GGTA1: variants seen among roughly 807,000 people sequenced by gnomAD.
The protein encoded by GGTA1 is inactive N-acetyllactosaminide alpha-1,3-galactosyltransferase.
In GGTA1, 5 loss-of-function variants were observed where a neutral mutation model predicts 2.6. The ratio of observed to expected loss-of-function variants is 1.92; its 90% CI spans 1.00 to 4.04. GGTA1 has a LOEUF of 4.04. Ranked by LOEUF, GGTA1 falls within the 30% of genes most tolerant of loss-of-function variation. The pLI is 0.00. For synonymous variants in GGTA1, 17 were observed against 5.0 expected (o/e 3.38, Z -3.19); for missense variants, 50 against 16.7 (o/e 2.99, Z -3.47).
intron 1 of GGTA1, among the ~76,000 whole-genome samples, chr9:121,475,363 G>T (rs1255123447): frequency 1.3e-5 from 2 of 152,174 alleles, no homozygotes; most frequent in African/African-American, 2.4e-5. Context: ...ATAAAAATGG[G>T]CAACCAGCAG....
intron 1 of GGTA1, among the ~76,000 whole-genome samples, chr9:121,473,297 G>A (rs1306735527): frequency 1.4e-5 from 2 of 138,752 alleles, no homozygotes; most frequent in Non-Finnish European, 3.1e-5. Context: ...TCCGGCCTAG[G>A]TGACAGAGCA....
intron 2 of GGTA1, among the ~76,000 whole-genome samples, chr9:121,465,612 T>C (rs1176802497): frequency 6.6e-6 from 1 of 152,168 alleles, no homozygotes. Flanking sequence ...GTAGCTTACT[T>C]GCTCTCCATC....
intron 1 of GGTA1, among the ~76,000 whole-genome samples, chr9:121,493,031 G>A (rs1274647842): frequency 2.0e-5 from 3 of 151,828 alleles, no homozygotes; most frequent in African/African-American, 7.3e-5. Flanking sequence ...GTACTTGGGA[G>A]GCTGAGATAG....
intron 1 of GGTA1, among the ~76,000 whole-genome samples, chr9:121,498,238 T>C (rs1291225933): frequency 2.0e-5 from 3 of 152,098 alleles, no homozygotes; most frequent in African/African-American, 7.2e-5. Flanking sequence ...CAGGACAGAG[T>C]TGAAACTTCT....
rs1438773865 is a variant in GGTA1, at chr9:121,476,818, G to T, written c.-9-8887C>A. On this transcript the variant is annotated intron_variant, in intron 1 of 5. Coordinates refer to ENST00000481799, the MANE Select transcript of GGTA1 (RefSeq NM_001382585.1). This position sits in a 1 kb window ranked among gnomAD's most constrained non-coding sequence, Gnocchi z 4.6. Reference sequence around the variant, plus strand: ...TTCCCATTAGGGTGAGCATGAGAAAGCCCCAAATGCTTCCCAGAGGTAGAG... The same window carrying T: ...TTCCCATTAGGGTGAGCATGAGAAATCCCCAAATGCTTCCCAGAGGTAGAG... 6.6e-6 allele frequency among the ~76,000 whole-genome samples: 1 copy of T among 152,136 alleles called. No individual in the cohort carries two copies. Among genetic ancestry groups the T allele is most frequent in the African/African-American group, 2.4e-5 (1 of 41,436 alleles).
intron 2 of GGTA1, among the ~76,000 whole-genome samples, chr9:121,467,287 A>G (rs901009633): frequency 1.3e-5 from 2 of 152,122 alleles, no homozygotes; most frequent in African/African-American, 4.8e-5. Flanking sequence ...AAACTTAGAA[A>G]TGCTTAATTC....
chr9:121,452,107 A>C (rs2064880971), downstream of GGTA1: 2 of 152,664 alleles, frequency 1.3e-5, 1 homozygote, highest in Non-Finnish European at 2.9e-5. Flanking sequence ...CAGTGGAACA[A>C]GAGACAGTCA....
intron 2 of GGTA1, among the ~76,000 whole-genome samples, chr9:121,464,126 A>G (rs2064984324): frequency 6.6e-6 from 1 of 152,212 alleles, no homozygotes; most frequent in African/African-American, 2.4e-5. Context: ...CAATGGTCAC[A>G]GCAATATCCA....
intron 2 of GGTA1, among the ~76,000 whole-genome samples, chr9:121,465,542 G>A (rs1181709307): frequency 5.2e-5 from 5 of 96,834 alleles, no homozygotes; most frequent in African/African-American, 1.5e-4. Context: ...GTTTAGATGA[G>A]GTCGTGGGAG....
intron 1 of GGTA1, among the ~76,000 whole-genome samples, chr9:121,482,744 G>A (rs934025115): frequency 1.3e-5 from 2 of 152,038 alleles, no homozygotes; most frequent in Admixed American, 6.6e-5. Context: ...ACTCCAGCCC[G>A]GGCAATAGAG....
intron 1 of GGTA1, among the ~76,000 whole-genome samples, chr9:121,496,722 G>T (rs1439571757): frequency 3.4e-5 from 2 of 58,664 alleles, no homozygotes; most frequent in African/African-American, 1.2e-4. Context: ...ACAGAGCAAG[G>T]CTCCATCTCA....
At chr9:121,468,048 A>T (rs1339611609) in intron 1 of GGTA1, 117 bp from the exon 2 acceptor site, 1 of 385,784 alleles carries the variant, frequency 2.6e-6, no homozygotes, top group Non-Finnish European at 5.1e-6. Flanking sequence ...ACTATACTTT[A>T]AGTTCTGGGA....
chr9:121,498,508 C>T (rs1297509216), intron 1 of GGTA1, among the ~76,000 whole-genome samples: 1 of 152,212 alleles, frequency 6.6e-6, no homozygotes, highest in Non-Finnish European at 1.5e-5. Context: ...TTTCCTTACT[C>T]AGAGACTGGA....
At chr9:121,450,909 A>G (rs2064875059), downstream of GGTA1, among the ~76,000 whole-genome samples, 1 of 152,190 alleles carries the variant, frequency 6.6e-6, no homozygotes, top group South Asian at 2.1e-4. Flanking sequence ...GGGTTGGGGA[A>G]GGTTATCTTT....
At chr9:121,477,399 G>C (rs915394187) in intron 1 of GGTA1, among the ~76,000 whole-genome samples, 1 of 152,168 alleles carries the variant, frequency 6.6e-6, no homozygotes, top group African/African-American at 2.4e-5. Flanking sequence ...AGGTGTATCA[G>C]ACAGTTAAGT....
At chr9:121,478,555 C>T (rs79172427) in intron 1 of GGTA1, among the ~76,000 whole-genome samples, 11,196 of 152,202 alleles carry the variant, frequency 0.074, 446 homozygotes, top group Middle Eastern at 0.088. Context: ...CCTCAGTGAG[C>T]TGGTGGGTCT....
intron 5 of GGTA1, among the ~76,000 whole-genome samples, chr9:121,458,905 G>A (rs1367813828): frequency 6.6e-6 from 1 of 152,170 alleles, no homozygotes; most frequent in Non-Finnish European, 1.5e-5. Context: ...GGCCCATCTA[G>A]CCTGTCCCTG....
At chr9:121,460,800 ACG>A (rs2064954469) in intron 4 of GGTA1, among the ~76,000 whole-genome samples, 2 of 152,008 alleles carry the variant, frequency 1.3e-5, no homozygotes, top group African/African-American at 4.8e-5. Flanking sequence ...AGCCGAGACC[ACG>A]CCACTGCACT....
rs145396336 is a variant in GGTA1 at position 121,491,761 on chromosome 9, C to T, written c.-10+7889G>A. Among the ~76,000 whole-genome samples the T allele has an allele frequency of 4.6e-5, 7 of 152,260 alleles. No homozygotes were observed. In the East Asian group the frequency reaches 1.2e-3, roughly 25 times the overall value. ...AGTAGCTGGGATTACAGGCTCCCAC[C>T]ACCAAGTCTAGCTAATTTTTGTATT... is the stretch of plus-strand genomic sequence containing the variant. On this transcript the variant is annotated intron_variant, in intron 1 of 5. Coordinates refer to ENST00000481799, the MANE Select transcript of GGTA1 (RefSeq NM_001382585.1).
Sources: allele counts gnomAD v4.1 joint callset (sites outside exome capture counted in the v4.1 genomes callset), GRCh38; gene constraint gnomAD v4.1.1; non-coding constraint Gnocchi (gnomAD v3.1); transcripts MANE v1.5; gene names NCBI Gene and HGNC (gene_info 2026-07-23, HGNC 2026-07-21).